The following NLGN1 variants were observed in gnomAD, a reference collection of about 807,000 sequenced individuals.
NLGN1 encodes the protein neuroligin 1.
In NLGN1, 12 loss-of-function variants were observed where a neutral mutation model predicts 65.5. The observed-to-expected ratio is 0.18, with a 90% CI of 0.12 to 0.30. NLGN1 has a LOEUF of 0.30. NLGN1 is among the 10% of genes least tolerant of loss of function. The probability of loss-of-function intolerance (pLI) is 1.00; values close to 1 mark genes in which losing one functional copy is unlikely to be tolerated. For synonymous variants in NLGN1, 350 were observed against 359.5 expected, an observed-to-expected ratio of 0.97 and a Z score of 0.30; for missense variants, 750 against 1,007.1, an observed-to-expected ratio of 0.74 and a Z score of 3.46.
intron 1 of NLGN1, among the ~76,000 whole-genome samples, chr3:173,426,841 G>C (rs1378101330): frequency 6.6e-6 from 1 of 152,030 alleles, no homozygotes; most frequent in Non-Finnish European, 1.5e-5. Flanking sequence ...TGAACTCATA[G>C]AATGAGTTTG....
At chr3:173,786,944 G>T (rs746234776) in intron 3 of NLGN1, among the ~76,000 whole-genome samples, 5 of 152,072 alleles carry the variant, frequency 3.3e-5, no homozygotes, top group Non-Finnish European at 5.9e-5. Context: ...GGGTGTGGTG[G>T]CAGGCACCTG....
chr3:173,526,198 C>G (rs919826878), intron 2 of NLGN1, among the ~76,000 whole-genome samples: 2 of 152,018 alleles, frequency 1.3e-5, no homozygotes, highest in African/African-American at 2.4e-5. Context: ...GAATTGCTTT[C>G]AGTCTGTTTT....
chr3:173,509,209 A>G (rs1190794570), intron 2 of NLGN1, among the ~76,000 whole-genome samples: 1 of 152,188 alleles, frequency 6.6e-6, no homozygotes, highest in Non-Finnish European at 1.5e-5. Flanking sequence ...AACATAACCT[A>G]TTCAGCTCTA....
chr3:173,937,118 A>G (rs1745206543), intron 4 of NLGN1, among the ~76,000 whole-genome samples: 1 of 152,052 alleles, frequency 6.6e-6, no homozygotes, highest in African/African-American at 2.4e-5. Flanking sequence ...TAGGTCCCAG[A>G]GCATTCAGTG....
At chr3:174,187,235 A>G (rs967390198) in intron 4 of NLGN1, among the ~76,000 whole-genome samples, 4 of 152,008 alleles carry the variant, frequency 2.6e-5, no homozygotes, top group Non-Finnish European at 4.4e-5. Flanking sequence ...ATATGGATTT[A>G]GAGCAGCCTT....
At chr3:173,531,540 G>A (rs1008457114) in intron 2 of NLGN1, among the ~76,000 whole-genome samples, 7 of 145,434 alleles carry the variant, frequency 4.8e-5, no homozygotes, top group African/African-American at 7.7e-5. Context: ...CTTAAAAATT[G>A]TATTTGTTTT....
At chr3:174,119,783 A>G (rs754021149) in intron 4 of NLGN1, among the ~76,000 whole-genome samples, 10 of 152,234 alleles carry the variant, frequency 6.6e-5, no homozygotes, top group Non-Finnish European at 1.0e-4. Context: ...ATACTAGTAC[A>G]TCTTAATATG....
intron 4 of NLGN1, among the ~76,000 whole-genome samples, chr3:174,170,568 A>G (rs766653830): frequency 6.6e-5 from 10 of 152,190 alleles, no homozygotes; most frequent in Non-Finnish European, 1.3e-4. Flanking sequence ...TTGAATGGGT[A>G]TGGATGAGTA....
chr3:173,588,214 A>G (rs1045048758), intron 2 of NLGN1, among the ~76,000 whole-genome samples: 2 of 152,206 alleles, frequency 1.3e-5, no homozygotes, highest in African/African-American at 4.8e-5. Context: ...TTTTTAAGAG[A>G]TAATTTAAAA....
chr3:173,414,945 C>G (rs974977747), intron 1 of NLGN1, among the ~76,000 whole-genome samples: 1 of 152,146 alleles, frequency 6.6e-6, no homozygotes, highest in Non-Finnish European at 1.5e-5. Context: ...AGAAGTCCAC[C>G]TGAAATCCCT....
chr3:174,052,636 G>A (rs1735161122), intron 4 of NLGN1, among the ~76,000 whole-genome samples: 1 of 151,836 alleles, frequency 6.6e-6, no homozygotes, highest in Non-Finnish European at 1.5e-5. Flanking sequence ...GGACCCTTGA[G>A]GCTAATATTT....
intron 2 of NLGN1, among the ~76,000 whole-genome samples, chr3:173,563,010 C>T (rs1743031862): frequency 6.6e-6 from 1 of 152,228 alleles, no homozygotes; most frequent in African/African-American, 2.4e-5. Flanking sequence ...AACCATTCCA[C>T]CTGCAGCCTT....
At chr3:173,935,632 T>A (rs904055929) in intron 4 of NLGN1, among the ~76,000 whole-genome samples, 1 of 149,614 alleles carries the variant, frequency 6.7e-6, no homozygotes, top group Non-Finnish European at 1.5e-5. Flanking sequence ...ACTCTCTCTC[T>A]CTCTCTCTCT....
chr3:174,229,014 C>T (rs1740220968), intron 4 of NLGN1, among the ~76,000 whole-genome samples: 1 of 152,064 alleles, frequency 6.6e-6, no homozygotes, highest in African/African-American at 2.4e-5. Context: ...TTTCAAGGTA[C>T]AGACTTAAGT....
intron 4 of NLGN1, among the ~76,000 whole-genome samples, chr3:173,985,961 C>A (rs1406951038): frequency 3.3e-5 from 5 of 151,226 alleles, no homozygotes; most frequent in Non-Finnish European, 7.4e-5. Flanking sequence ...AAAACAAAAA[C>A]AATTTAAAAA....
At chr3:173,461,744 T>C (rs1723426733) in intron 2 of NLGN1, among the ~76,000 whole-genome samples, 1 of 152,106 alleles carries the variant, frequency 6.6e-6, no homozygotes, top group African/African-American at 2.4e-5. Flanking sequence ...CCTGAAAATA[T>C]ATTGTAACAT....
At chr3:173,758,088 G>T (rs1195422044) in intron 3 of NLGN1, among the ~76,000 whole-genome samples, 3 of 151,944 alleles carry the variant, frequency 2.0e-5, no homozygotes, top group Non-Finnish European at 4.4e-5. Context: ...TGAAACTATT[G>T]CTGGCCTTAT....
chr3:173,416,156 A>G lies in NLGN1; in HGVS notation c.-390+17669A>G, dbSNP rs1185086730. The stretch of plus-strand genomic sequence containing the variant: ...TTATACTTGTTGACATATAGATGGT[A>G]TTTAAGCCATGAGATTAGATTACAC... On this transcript the variant is annotated intron_variant, in intron 1 of 6. Coordinates refer to ENST00000457714, the Ensembl canonical transcript of NLGN1. 2.0e-5 allele frequency among the ~76,000 whole-genome samples: 3 copies of G among 152,176 alleles called. No individual in the cohort carries two copies. In the East Asian group the frequency reaches 5.8e-4, roughly 29 times the overall value.
chr3:173,638,176 G>C (rs911886031), intron 3 of NLGN1, among the ~76,000 whole-genome samples: 3 of 151,580 alleles, frequency 2.0e-5, no homozygotes, highest in African/African-American at 7.3e-5. Context: ...ATAAATAGGG[G>C]AATGCATTTG....
Sources: gnomAD v4.1 joint callset for allele counts (sites outside exome capture counted in the v4.1 genomes callset) on GRCh38, gnomAD v4.1.1 for gene constraint, MANE v1.5 for transcripts, NCBI Gene and HGNC (gene_info 2026-07-23, HGNC 2026-07-21) for gene names.